The following LRRC37A2 variants were observed in gnomAD, a reference collection of about 807,000 sequenced individuals.
LRRC37A2 encodes the protein leucine-rich repeat-containing protein 37A2.
A neutral mutation model predicts 68.8 loss-of-function variants in LRRC37A2; 9 were observed. The observed-to-expected ratio is 0.13, with a 90% confidence interval of 0.08 to 0.23. LRRC37A2 has a LOEUF of 0.23. LRRC37A2 is among the 10% of genes least tolerant of loss of function. The pLI is 1.00. For synonymous variants in LRRC37A2, 63 were observed against 367.6 expected (o/e 0.17, Z 9.48); for missense variants, 168 against 950.4 (o/e 0.18, Z 10.82).
chr17:46,762,168 T>G, the LRRC37A2 span, among the ~76,000 whole-genome samples: 1 of 152,260 alleles, frequency 6.6e-6, no homozygotes, highest in Admixed American at 6.5e-5. Context: ...ACCCCTGCGG[T>G]CTGCTGGCCT....
the LRRC37A2 span, among the ~76,000 whole-genome samples, chr17:46,900,194 TATATATATACACACACACACACAC>T: frequency 5.2e-4 from 53 of 101,616 alleles, no homozygotes; most frequent in African/African-American, 1.5e-3. Flanking sequence ...TATATATATA[TATATATATACACACACACACACAC>T]ACATATATAT....
At chr17:46,919,551 T>C in the LRRC37A2 span, among the ~76,000 whole-genome samples, 5 of 152,100 alleles carry the variant, frequency 3.3e-5, no homozygotes. Flanking sequence ...GGCATGAAAA[T>C]TATTTGAGAA....
At chr17:46,966,422 G>T in the LRRC37A2 span, 1 of 566,196 alleles carries the variant, frequency 1.8e-6, no homozygotes, top group Non-Finnish European at 3.2e-6. Context: ...CTTATTTAGT[G>T]GCACAGCCTT....
At chr17:46,960,000 C>T in the LRRC37A2 span, among the ~76,000 whole-genome samples, 1 of 152,166 alleles carries the variant, frequency 6.6e-6, no homozygotes, top group African/African-American at 2.4e-5. Flanking sequence ...CAGTAGAGTC[C>T]AGAAACTTGG....
At chr17:46,845,267 G>A in the LRRC37A2 span, among the ~76,000 whole-genome samples, 1 of 152,094 alleles carries the variant, frequency 6.6e-6, no homozygotes, top group Non-Finnish European at 1.5e-5. Flanking sequence ...GGACTTCACG[G>A]TGGTTGAAGA....
At chr17:46,880,680 C>A in the LRRC37A2 span, among the ~76,000 whole-genome samples, 2 of 152,272 alleles carry the variant, frequency 1.3e-5, no homozygotes, top group Non-Finnish European at 2.9e-5. Context: ...GGCAGTGGGG[C>A]CAGGATTGGA....
chr17:46,986,876 C>T, the LRRC37A2 span, among the ~76,000 whole-genome samples: 1 of 136,584 alleles, frequency 7.3e-6, no homozygotes, highest in African/African-American at 2.5e-5. Flanking sequence ...TGGGACAGAT[C>T]AGACTGGAAG....
At chr17:46,810,060 G>C in the LRRC37A2 span, among the ~76,000 whole-genome samples, 1 of 149,174 alleles carries the variant, frequency 6.7e-6, no homozygotes, top group Non-Finnish European at 1.5e-5. Flanking sequence ...AGGCTGGAAG[G>C]CAGTGGTGCA....
the LRRC37A2 span, among the ~76,000 whole-genome samples, chr17:47,022,196 G>GTTT: frequency 8.3e-4 from 16 of 19,182 alleles, no homozygotes; most frequent in Admixed American, 1.6e-3. Flanking sequence ...CCAGAGACAG[G>GTTT]TTCTTACTTT....
At chr17:46,940,778 T>C in the LRRC37A2 span, 1 of 1,516,452 alleles carries the variant, frequency 6.6e-7, no homozygotes, top group Non-Finnish European at 8.8e-7. Flanking sequence ...TAGTTTGGAA[T>C]AAAAATTGCA....
At chr17:46,807,237 C>A in the LRRC37A2 span, among the ~76,000 whole-genome samples, 1 of 152,222 alleles carries the variant, frequency 6.6e-6, no homozygotes, top group Non-Finnish European at 1.5e-5. Context: ...CATCTCAGCA[C>A]TTTGGGAGGC....
the LRRC37A2 span, chr17:47,019,084 C>T: frequency 5.2e-5 from 67 of 1,298,982 alleles, no homozygotes; most frequent in Middle Eastern, 5.2e-4. Context: ...TCTACACCCC[C>T]GAAGAGGACT....
chr17:46,939,558 GA>G, the LRRC37A2 span: 1 of 985,428 alleles, frequency 1.0e-6, no homozygotes, highest in Non-Finnish European at 1.2e-6. Context: ...TTGCCCCTTA[GA>G]AAGTAGCTGT....
At chr17:46,864,218 A>AC in the LRRC37A2 span, among the ~76,000 whole-genome samples, 1 of 152,136 alleles carries the variant, frequency 6.6e-6, no homozygotes, top group African/African-American at 2.4e-5. Context: ...GGCTGCAGTC[A>AC]CCCAGCCAGA....
At chr17:46,955,462 T>C in the LRRC37A2 span, 1 of 152,200 alleles carries the variant, frequency 6.6e-6, no homozygotes. Flanking sequence ...ATCAAGGATA[T>C]TGGTCTAAAA....
chr17:46,679,807 C>G, the LRRC37A2 span, among the ~76,000 whole-genome samples: 3 of 151,474 alleles, frequency 2.0e-5, no homozygotes, highest in African/African-American at 7.3e-5. Context: ...GGGAAAGAAA[C>G]AGTGGAAATT....
At chr17:46,767,624 G>A in the LRRC37A2 span, among the ~76,000 whole-genome samples, 1 of 152,164 alleles carries the variant, frequency 6.6e-6, no homozygotes, top group Non-Finnish European at 1.5e-5. Flanking sequence ...AGGACCAGAC[G>A]TCAGGTCTCC....
chr17:46,970,939 T>C, the LRRC37A2 span, among the ~76,000 whole-genome samples: 2 of 152,230 alleles, frequency 1.3e-5, no homozygotes, highest in African/African-American at 4.8e-5. Context: ...CCTCAAAATA[T>C]GAAAGGCTGC....
the LRRC37A2 span, among the ~76,000 whole-genome samples, chr17:46,775,683 G>C: frequency 6.9e-6 from 1 of 145,150 alleles, no homozygotes. Context: ...ACGTGATCTC[G>C]GCTCACTGCA....
Sources: allele counts gnomAD v4.1 joint callset (sites outside exome capture counted in the v4.1 genomes callset), GRCh38; gene constraint gnomAD v4.1.1; transcripts MANE v1.5; gene names NCBI Gene and HGNC (gene_info 2026-07-23, HGNC 2026-07-21).